SIL1: variants seen among roughly 807,000 people sequenced by gnomAD.
The protein encoded by SIL1 is nucleotide exchange factor SIL1.
A neutral mutation model predicts 49.1 loss-of-function variants in SIL1; 40 were observed. The ratio of observed to expected loss-of-function variants is 0.81; its 90% confidence interval spans 0.63 to 1.06. SIL1 has a LOEUF of 1.06. SIL1 is among the 50% of genes least tolerant of loss of function. SIL1 has a pLI of 0.00. For synonymous variants in SIL1, 253 were observed against 250.8 expected (o/e 1.01, Z -0.08); for missense variants, 500 against 572.6 (o/e 0.87, Z 1.29).
intron 3 of SIL1, among the ~76,000 whole-genome samples, chr5:139,117,998 G>C (rs1007013631): frequency 2.0e-4 from 31 of 152,166 alleles, no homozygotes; most frequent in Non-Finnish European, 3.8e-4. Flanking sequence ...GGACAACACA[G>C]CTGTGGTCCT....
At chr5:139,141,748 T>G (rs1371859892) in intron 1 of SIL1, among the ~76,000 whole-genome samples, 1 of 152,230 alleles carries the variant, frequency 6.6e-6, no homozygotes, top group Non-Finnish European at 1.5e-5. Flanking sequence ...GAAAGAAGTG[T>G]GTGTGGCCAC....
chr5:139,070,025 C>A (rs906466393), intron 3 of SIL1, among the ~76,000 whole-genome samples: 3 of 151,890 alleles, frequency 2.0e-5, no homozygotes, highest in Admixed American at 1.3e-4. Flanking sequence ...GTAAGACCGG[C>A]GGTAAACATT....
chr5:139,042,806 G>A (rs1769075880), intron 4 of SIL1, 87 bp from the exon 5 acceptor site: 5 of 1,160,838 alleles, frequency 4.3e-6, no homozygotes, highest in Non-Finnish European at 6.5e-6. Flanking sequence ...GGGTGGCCAA[G>A]ATGGAAGGAT....
intron 7 of SIL1, among the ~76,000 whole-genome samples, chr5:138,957,629 GTAAA>G (rs576833963): frequency 8.6e-4 from 131 of 152,134 alleles, no homozygotes; most frequent in African/African-American, 3.1e-3. Flanking sequence ...TGCAAGAATA[GTAAA>G]TAAACTCCCA....
intron 7 of SIL1, among the ~76,000 whole-genome samples, chr5:139,009,179 G>A (rs1295337311): frequency 6.8e-6 from 1 of 148,118 alleles, no homozygotes; most frequent in African/African-American, 2.5e-5. Flanking sequence ...AGGATAGTTA[G>A]CTCTTCTTGT....
rs183772129 is a variant in SIL1, at chr5:139,157,964, C to G, written c.-10-30111G>C. ...CAATCCTTCAAGGTTATTCTAGCAA[C>G]TCTCTACCTTCTTTTGTCAAGAAGG... is the stretch of plus-strand genomic sequence containing the variant. On this transcript the variant is annotated intron_variant, in intron 1 of 9. Coordinates refer to ENST00000394817, the MANE Select transcript of SIL1 (RefSeq NM_022464.5). 2.1e-4 allele frequency among the ~76,000 whole-genome samples: 32 copies of G among 152,350 alleles called. No individual in the cohort carries two copies. In the East Asian group the frequency reaches 6.0e-3, roughly 28 times the overall value.
intron 7 of SIL1, among the ~76,000 whole-genome samples, chr5:138,978,785 T>A (rs1184718508): frequency 6.6e-6 from 1 of 152,242 alleles, no homozygotes; most frequent in East Asian, 1.9e-4. Flanking sequence ...TTGAGCATCA[T>A]TTCCTGTACT....
chr5:139,179,375 G>GGAGTAA (rs1751941549), intron 1 of SIL1, among the ~76,000 whole-genome samples: 1 of 152,240 alleles, frequency 6.6e-6, no homozygotes, highest in African/African-American at 2.4e-5. Context: ...CTCCTTGGAT[G>GGAGTAA]AAGCAGAGAT....
intron 3 of SIL1, among the ~76,000 whole-genome samples, chr5:139,103,270 A>G (rs1770631895): frequency 6.6e-6 from 1 of 152,190 alleles, no homozygotes; most frequent in Non-Finnish European, 1.5e-5. Context: ...AGCTCTTAGA[A>G]TAAGAGTTCT....
chr5:139,130,609 C>T (rs550610546), intron 1 of SIL1, among the ~76,000 whole-genome samples: 58 of 152,068 alleles, frequency 3.8e-4, no homozygotes, highest in Non-Finnish European at 6.0e-4. Flanking sequence ...ACATATGTCC[C>T]GGCAATTCCA....
chr5:139,183,888 C>T (rs995625357), intron 1 of SIL1, among the ~76,000 whole-genome samples: 2 of 152,206 alleles, frequency 1.3e-5, no homozygotes, highest in Non-Finnish European at 2.9e-5. Flanking sequence ...CTACACAAGT[C>T]CTTCCAATTC....
intron 3 of SIL1, among the ~76,000 whole-genome samples, chr5:139,092,017 T>G (rs943281008): frequency 6.6e-6 from 1 of 152,150 alleles, no homozygotes; most frequent in African/African-American, 2.4e-5. Context: ...CAGGCAGAGC[T>G]AAGGACTTAG....
chr5:139,121,901 A>G (rs1750648444), intron 2 of SIL1, among the ~76,000 whole-genome samples: 1 of 152,258 alleles, frequency 6.6e-6, no homozygotes, highest in South Asian at 2.1e-4. Context: ...ACAGCGATGC[A>G]AGATAAATAC....
intron 1 of SIL1, chr5:139,188,138 CA>C (rs1752108342): frequency 6.6e-6 from 1 of 152,158 alleles, no homozygotes; most frequent in African/African-American, 2.4e-5. Flanking sequence ...TGTATGAGAA[CA>C]GACTAATACA....
chr5:139,121,138 G>A lies in SIL1; in HGVS notation c.141C>T (p.Ser47=). ...EFALTNPEKS[S]TKETERKETK... is the part of the protein sequence containing the mutation. ...TTTCTTTTCTCTCTGTTTCTTTGGT[G>A]CTGCTCTTCTCTGGGTTGGTCAGGG... is the stretch of plus-strand genomic sequence containing the variant. The change falls in exon 3 of 10, where the codon AGC becomes AGT. Residue 47 remains serine (S), a synonymous_variant. Coordinates refer to ENST00000394817, the MANE Select transcript of SIL1 (RefSeq NM_022464.5). The A allele has an allele frequency of 1.2e-6, 2 of 1,614,158 alleles. No individual in the cohort carries two copies. Among genetic ancestry groups the A allele is most frequent in the South Asian group, 1.1e-5 (1 of 91,078 alleles).
intron 1 of SIL1, among the ~76,000 whole-genome samples, chr5:139,193,529 C>A (rs2151824557): frequency 6.6e-6 from 1 of 152,136 alleles, no homozygotes; most frequent in South Asian, 2.1e-4. Flanking sequence ...GATCACACCA[C>A]TGCACTCCAG....
intron 9 of SIL1, among the ~76,000 whole-genome samples, chr5:138,949,471 C>T (rs1285730281): frequency 6.6e-6 from 1 of 152,192 alleles, no homozygotes. Flanking sequence ...GTCCCTCCAC[C>T]TTCAGGCAGC....
chr5:139,168,611 A>C (rs957573124), intron 1 of SIL1, among the ~76,000 whole-genome samples: 3 of 129,824 alleles, frequency 2.3e-5, no homozygotes, highest in African/African-American at 8.1e-5. Context: ...TGGAGATTTA[A>C]AGGGCCAATG....
intron 3 of SIL1, among the ~76,000 whole-genome samples, chr5:139,095,276 T>G (rs2151778792): frequency 6.6e-6 from 1 of 150,792 alleles, no homozygotes; most frequent in Middle Eastern, 3.4e-3. Flanking sequence ...TTTTTTTTTT[T>G]TTTTTTTGAG....
Sources: allele counts gnomAD v4.1 joint callset (sites outside exome capture counted in the v4.1 genomes callset), GRCh38; gene constraint gnomAD v4.1.1; transcripts MANE v1.5; gene names NCBI Gene and HGNC (gene_info 2026-07-23, HGNC 2026-07-21).